CTNNA3: variants seen among roughly 807,000 people sequenced by gnomAD.
The protein encoded by CTNNA3 is catenin alpha 3.
CTNNA3 carries 76 observed loss-of-function variants against 95.7 expected under a neutral mutation model. The ratio of observed to expected loss-of-function variants is 0.79; its 90% CI spans 0.66 to 0.96. The LOEUF (loss-of-function observed/expected upper bound fraction) is 0.96, where lower values mean the gene tolerates loss of function less well. CTNNA3 is among the 40% of genes least tolerant of loss of function. The pLI is 0.00. For missense variants in CTNNA3, 1,191 were observed against 1,089.8 expected (o/e 1.09, Z -1.31); for synonymous variants, 431 against 374.4 (o/e 1.15, Z -1.74).
At chr10:66,222,988 G>A (rs2089052307) in intron 13 of CTNNA3, among the ~76,000 whole-genome samples, 1 of 152,022 alleles carries the variant, frequency 6.6e-6, no homozygotes, top group South Asian at 2.1e-4. Flanking sequence ...TATTTAGAGT[G>A]TGGATACTTA....
At chr10:66,982,446 C>A (rs1589543227) in intron 7 of CTNNA3, among the ~76,000 whole-genome samples, 1 of 152,144 alleles carries the variant, frequency 6.6e-6, no homozygotes, top group Non-Finnish European at 1.5e-5. Flanking sequence ...TTACACACTT[C>A]TTGAGAAGAT....
chr10:66,387,251 A>G (rs1279363854), intron 11 of CTNNA3, among the ~76,000 whole-genome samples: 1 of 151,350 alleles, frequency 6.6e-6, no homozygotes, highest in African/African-American at 2.4e-5. Context: ...AATTTACTAG[A>G]AAAAAAAACA....
Position 66,473,406 on chromosome 10 carries a change from C to T in CTNNA3, c.1531+47211G>A, listed in dbSNP as rs1403005317. 2.0e-5 allele frequency among the ~76,000 whole-genome samples: 3 copies of T among 151,964 alleles called. No homozygotes were observed. The South Asian group carries it at 6.2e-4, about 32-fold the overall frequency. On this transcript the variant is annotated intron_variant, in intron 11 of 17. Coordinates refer to ENST00000433211, the MANE Select transcript of CTNNA3 (RefSeq NM_013266.4). Reference sequence around the variant, plus strand: ...CGACATGTGAAGAAGGTCCTTGCTGCCCCTTTGCCTTCTGCCATGATTATA... The same window carrying T: ...CGACATGTGAAGAAGGTCCTTGCTGTCCCTTTGCCTTCTGCCATGATTATA...
chr10:67,446,759 T>G lies in CTNNA3; in HGVS notation c.579+75083A>C, dbSNP rs570217401. Among the ~76,000 whole-genome samples, 5 of 152,264 alleles carry G rather than the reference T, an allele frequency of 3.3e-5. No individual in the cohort carries two copies. In the South Asian group the frequency reaches 1.0e-3, roughly 32 times the overall value. ...GAGATAGGAGCCCTATCTCCCAGTT[T>G]TTGTGGAAGGATAATAGCCCAACTT... On this transcript the variant is annotated intron_variant, in intron 5 of 17. Transcript: ENST00000433211.
At chr10:66,884,669 T>C (rs1844975736) in intron 7 of CTNNA3, among the ~76,000 whole-genome samples, 1 of 152,088 alleles carries the variant, frequency 6.6e-6, no homozygotes, top group African/African-American at 2.4e-5. Context: ...AGAATTCCTA[T>C]CTCACAGAAA....
At chr10:66,404,524 G>A (rs1290436206) in intron 11 of CTNNA3, among the ~76,000 whole-genome samples, 2 of 152,152 alleles carry the variant, frequency 1.3e-5, no homozygotes, top group African/African-American at 2.4e-5. Context: ...ACTTTTTAAT[G>A]TCCTGACTGT....
At chr10:67,320,829 C>T (rs1235118462) in intron 5 of CTNNA3, among the ~76,000 whole-genome samples, 2 of 152,058 alleles carry the variant, frequency 1.3e-5, no homozygotes, top group Non-Finnish European at 2.9e-5. Flanking sequence ...AAAGCAGACC[C>T]TTAGTCAGTG....
At chr10:67,570,464 C>G (rs1841942404) in intron 3 of CTNNA3, among the ~76,000 whole-genome samples, 1 of 152,126 alleles carries the variant, frequency 6.6e-6, no homozygotes, top group Non-Finnish European at 1.5e-5. Context: ...GATAATCATA[C>G]TCATCTCACT....
At chr10:67,510,092 T>C (rs1193661924) in intron 5 of CTNNA3, among the ~76,000 whole-genome samples, 1 of 152,242 alleles carries the variant, frequency 6.6e-6, no homozygotes, top group Non-Finnish European at 1.5e-5. Flanking sequence ...TATTAGCCCT[T>C]TGTTAGATGG....
intron 15 of CTNNA3, among the ~76,000 whole-genome samples, chr10:66,055,083 G>A (rs1160332630): frequency 1.3e-5 from 2 of 152,074 alleles, no homozygotes; most frequent in Non-Finnish European, 2.9e-5. Flanking sequence ...TGGTCTGTGT[G>A]TCTGTTTTTA....
intron 7 of CTNNA3, among the ~76,000 whole-genome samples, chr10:67,083,302 T>C (rs1444595727): frequency 1.3e-5 from 2 of 152,126 alleles, no homozygotes; most frequent in Non-Finnish European, 2.9e-5. Context: ...TAATACACTA[T>C]GAAGACCAAG....
intron 11 of CTNNA3, among the ~76,000 whole-genome samples, chr10:66,457,047 T>C (rs2093499333): frequency 6.6e-6 from 1 of 151,978 alleles, no homozygotes; most frequent in Admixed American, 6.6e-5. Context: ...TGAGCTTTGA[T>C]TGTACCACCC....
chr10:66,593,504 T>C (rs1480600511), intron 10 of CTNNA3, among the ~76,000 whole-genome samples: 1 of 152,118 alleles, frequency 6.6e-6, no homozygotes, highest in East Asian at 1.9e-4. Flanking sequence ...AGGGCCTCAA[T>C]ATTTGCATTT....
intron 13 of CTNNA3, among the ~76,000 whole-genome samples, chr10:66,115,254 GT>G (rs2082280241): frequency 3.9e-5 from 6 of 152,290 alleles, no homozygotes; most frequent in African/African-American, 1.4e-4. Flanking sequence ...GAAAATTGCA[GT>G]GTATGTCTTT....
At chr10:67,719,526 C>T (rs1345287084) in intron 1 of CTNNA3, among the ~76,000 whole-genome samples, 1 of 152,098 alleles carries the variant, frequency 6.6e-6, no homozygotes, top group Non-Finnish European at 1.5e-5. Context: ...TTTCAAAGAA[C>T]TTATTGATTT....
intron 4 of CTNNA3, among the ~76,000 whole-genome samples, chr10:67,522,542 T>C (rs1328256921): frequency 1.3e-5 from 2 of 152,096 alleles, no homozygotes; most frequent in Admixed American, 1.3e-4. Context: ...TCAAAGCATA[T>C]GTGGCATGTT....
intron 9 of CTNNA3, among the ~76,000 whole-genome samples, chr10:66,629,280 A>T (rs1305423805): frequency 6.6e-6 from 1 of 151,956 alleles, no homozygotes; most frequent in Non-Finnish European, 1.5e-5. Context: ...AGGTAAAGTA[A>T]CCCCATGAGT....
chr10:67,705,886 A>G (rs1403081341), intron 1 of CTNNA3, among the ~76,000 whole-genome samples: 7 of 152,088 alleles, frequency 4.6e-5, no homozygotes, highest in Admixed American at 4.6e-4. Context: ...CAGCTTGCAG[A>G]GTCCAATTAA....
intron 5 of CTNNA3, among the ~76,000 whole-genome samples, chr10:67,507,284 C>T (rs1839455482): frequency 6.6e-6 from 1 of 151,992 alleles, no homozygotes; most frequent in Non-Finnish European, 1.5e-5. Context: ...AATCCCAGCA[C>T]TTTGGGAGGC....
Sources: allele counts gnomAD v4.1 joint callset (sites outside exome capture counted in the v4.1 genomes callset), GRCh38; gene constraint gnomAD v4.1.1; transcripts MANE v1.5; gene names NCBI Gene and HGNC (gene_info 2026-07-23, HGNC 2026-07-21).